CDH11: variants seen among roughly 807,000 people sequenced by gnomAD.
CDH11 encodes cadherin 11, also known as cadherin-11.
CDH11 carries 11 observed loss-of-function variants against 67.8 expected under a neutral mutation model. The observed-to-expected ratio is 0.16, with a 90% CI of 0.10 to 0.27. The LOEUF is 0.27. Ranked by LOEUF, CDH11 falls within the 10% of genes least tolerant of loss-of-function variation. CDH11 has a pLI of 1.00. For synonymous variants in CDH11, 419 were observed against 400.0 expected, an observed-to-expected ratio of 1.05 and a Z score of -0.57; for missense variants, 847 against 1,031.2, an observed-to-expected ratio of 0.82 and a Z score of 2.45.
chr16:65,075,846 A>T (rs186019847), intron 1 of CDH11, among the ~76,000 whole-genome samples: 141 of 152,326 alleles, frequency 9.3e-4, no homozygotes, highest in African/African-American at 3.2e-3. Flanking sequence ...TCTCATCCAT[A>T]ACATATAAAT....
intron 1 of CDH11, among the ~76,000 whole-genome samples, chr16:65,079,493 G>A (rs1387624576): frequency 3.9e-5 from 6 of 152,154 alleles, no homozygotes; most frequent in Non-Finnish European, 7.4e-5. Flanking sequence ...ATGTGCGTGT[G>A]TATGTGTGTG....
At chr16:65,094,712 G>A (rs1048573556) in intron 1 of CDH11, 1 of 152,068 alleles carries the variant, frequency 6.6e-6, no homozygotes, top group Admixed American at 6.6e-5. Context: ...ACAAACAGAG[G>A]ACTATAAAAG....
Position 65,004,719 on chromosome 16 carries a change from A to G in CDH11, c.151T>C (p.Ser51Pro), listed in dbSNP as rs775782295. Residue 51 changes from serine (S) to proline (P), a missense_variant, in exon 3 of 13, where the codon TCC becomes CCC. Ser to Pro is a moderately conservative substitution (Grantham distance 74). Transcript: ENST00000268603. ...KGKEGQVLQRSKRGWVWNQFF... is the reference protein window; with the variant it reads ...KGKEGQVLQRPKRGWVWNQFF... ...TGGTTCCAGACCCAGCCACGCTTGG[A>G]GCGCTGTAGCACCTGCCCCTCCTTG... The G allele has an allele frequency of 1.2e-6, 2 of 1,613,962 alleles. No homozygotes were observed. The highest frequency in any genetic ancestry group is 1.7e-6 in the Non-Finnish European group (2 of 1,180,030).
In CDH11 at chr16:65,044,879, G is replaced by A. The variant is rs75870918; in HGVS notation, c.-173+8925C>T. On this transcript the variant is annotated intron_variant, in intron 2 of 12. Coordinates refer to ENST00000268603, the MANE Select transcript of CDH11 (RefSeq NM_001797.4). ...TACTGAAGCAACTTGATACAATTTG[G>A]ATTTAGAGAAATAATGCTGCGGCTC... Among the ~76,000 whole-genome samples the A allele has an allele frequency of 5.6e-3, 847 of 152,176 alleles. 11 individuals carry two copies. The highest frequency in any genetic ancestry group is 0.019 in the African/African-American group (786 of 41,528).
intron 1 of CDH11, among the ~76,000 whole-genome samples, chr16:65,074,007 A>G (rs779185697): frequency 6.6e-6 from 1 of 152,156 alleles, no homozygotes; most frequent in Non-Finnish European, 1.5e-5. Context: ...TTCATTATTC[A>G]TGGCTGTTGC....
intron 1 of CDH11, among the ~76,000 whole-genome samples, chr16:65,108,602 G>A (rs1412239407): frequency 6.6e-6 from 1 of 152,050 alleles, no homozygotes; most frequent in Non-Finnish European, 1.5e-5. Flanking sequence ...AGAATTGTTT[G>A]CATAAATGAA....
intron 1 of CDH11, among the ~76,000 whole-genome samples, chr16:65,093,202 T>C (rs1333604363): frequency 6.7e-6 from 1 of 148,744 alleles, no homozygotes; most frequent in African/African-American, 2.5e-5. Context: ...CCTCCCAGTG[T>C]TGGGTTCCTT....
chr16:65,035,177 C>T (rs993655437), intron 2 of CDH11, among the ~76,000 whole-genome samples: 16 of 152,322 alleles, frequency 1.1e-4, no homozygotes, highest in African/African-American at 2.4e-4. Context: ...ACCTGTCAAT[C>T]GGAGCATCCA....
At chr16:65,001,937 T>A (rs186322354) in intron 3 of CDH11, among the ~76,000 whole-genome samples, 2 of 152,202 alleles carry the variant, frequency 1.3e-5, no homozygotes, top group Non-Finnish European at 2.9e-5. Context: ...TGACACAGGC[T>A]GTATTTCCAC....
At chr16:64,997,527 A>G (rs2072805658) in intron 4 of CDH11, among the ~76,000 whole-genome samples, 1 of 152,064 alleles carries the variant, frequency 6.6e-6, no homozygotes, top group South Asian at 2.1e-4. Flanking sequence ...AGTTGCTGAC[A>G]CTGCTGTTTC....
chr16:65,051,502 A>G (rs577347811), intron 2 of CDH11, among the ~76,000 whole-genome samples: 1 of 152,294 alleles, frequency 6.6e-6, no homozygotes, highest in Admixed American at 6.5e-5. Flanking sequence ...ATAAATACAA[A>G]TTCCAAGGAT....
intron 11 of CDH11, among the ~76,000 whole-genome samples, chr16:64,954,255 G>A (rs941728765): frequency 6.6e-6 from 1 of 152,172 alleles, no homozygotes; most frequent in Non-Finnish European, 1.5e-5. Flanking sequence ...CAGTAGGATC[G>A]CAAGAACTTT....
intron 2 of CDH11, among the ~76,000 whole-genome samples, chr16:65,053,310 T>C (rs1456856002): frequency 2.6e-5 from 4 of 152,208 alleles, no homozygotes; most frequent in Non-Finnish European, 4.4e-5. Context: ...AGACAGTGAA[T>C]GGCAGAGCTA....
At chr16:64,973,761 A>G (rs1489496487) in intron 8 of CDH11, among the ~76,000 whole-genome samples, 1 of 152,130 alleles carries the variant, frequency 6.6e-6, no homozygotes, top group Non-Finnish European at 1.5e-5. Context: ...AGCCAAGATC[A>G]TGCCACTGCA....
At chr16:65,065,070 G>C (rs1319798446) in intron 1 of CDH11, among the ~76,000 whole-genome samples, 1 of 152,124 alleles carries the variant, frequency 6.6e-6, no homozygotes, top group Non-Finnish European at 1.5e-5. Context: ...GCTATGCGAG[G>C]GGACTGCAAG....
At chr16:65,080,528 AT>A (rs1235534588) in intron 1 of CDH11, among the ~76,000 whole-genome samples, 1 of 152,208 alleles carries the variant, frequency 6.6e-6, no homozygotes, top group African/African-American at 2.4e-5. Flanking sequence ...AAAGGGATAA[AT>A]GCATTGCTTG....
intron 2 of CDH11, among the ~76,000 whole-genome samples, chr16:65,008,554 C>A (rs1465782875): frequency 6.6e-6 from 1 of 152,130 alleles, no homozygotes; most frequent in African/African-American, 2.4e-5. Context: ...CTATAACAAC[C>A]TTATGAATAG....
intron 1 of CDH11, chr16:65,094,689 G>A (rs1280347751): frequency 6.6e-6 from 1 of 152,092 alleles, no homozygotes; most frequent in Non-Finnish European, 1.5e-5. Context: ...AAGGAGACAC[G>A]ATGATACTGA....
Position 65,004,927 on chromosome 16 carries a change from C to T in CDH11, c.-58G>A, listed in dbSNP as rs534366460. The stretch of plus-strand genomic sequence containing the variant: ...GCTGTCACCCCTTCCACCAACTGTA[C>T]GGTGGTCTTGCTGAGGGTGGCCTCC... On this transcript the variant is annotated 5_prime_UTR_variant, in exon 3 of 13. Transcript: ENST00000268603. 299 of 1,453,906 alleles carry T rather than the reference C, an allele frequency of 2.1e-4. No individual in the cohort carries two copies. In the East Asian group the frequency reaches 4.0e-3, roughly 20 times the overall value. 90.1% of individuals were successfully genotyped at this position (1,453,906 alleles called of 1,614,324 possible).
Sources: gnomAD v4.1 joint callset for allele counts (sites outside exome capture counted in the v4.1 genomes callset) on GRCh38, gnomAD v4.1.1 for gene constraint, MANE v1.5 for transcripts, NCBI Gene and HGNC (gene_info 2026-07-23, HGNC 2026-07-21) for gene names.